CEP112: variants seen among roughly 807,000 people sequenced by gnomAD.
The protein encoded by CEP112 is centrosomal protein of 112 kDa.
A neutral mutation model predicts 153.0 loss-of-function variants in CEP112; 127 were observed. The ratio of observed to expected loss-of-function variants is 0.83; its 90% CI spans 0.72 to 0.96. The LOEUF (loss-of-function observed/expected upper bound fraction) is 0.96, where lower values mean the gene tolerates loss of function less well. Ranked by LOEUF, CEP112 falls within the 40% of genes least tolerant of loss-of-function variation. The pLI is 0.00. For synonymous variants in CEP112, 358 were observed against 374.4 expected, an observed-to-expected ratio of 0.96 and a Z score of 0.51; for missense variants, 1,089 against 1,101.2, an observed-to-expected ratio of 0.99 and a Z score of 0.16.
At chr17:66,101,210 G>C (rs541684937) in intron 6 of CEP112, among the ~76,000 whole-genome samples, 79 of 152,134 alleles carry the variant, frequency 5.2e-4, no homozygotes, top group African/African-American at 1.9e-3. Context: ...TGAAAAGTAT[G>C]TATCACACTT....
chr17:66,190,054 G>A (rs995425494), intron 1 of CEP112, among the ~76,000 whole-genome samples: 1 of 151,936 alleles, frequency 6.6e-6, no homozygotes. Context: ...AATGGAACGG[G>A]TGCAGTGGCT....
At chr17:65,802,331 C>T (rs113663602) in intron 21 of CEP112, among the ~76,000 whole-genome samples, 77 of 152,096 alleles carry the variant, frequency 5.1e-4, no homozygotes, top group Non-Finnish European at 9.1e-4. Context: ...TTCTCTTATT[C>T]CACAAAATTT....
At chr17:66,127,681 C>A (rs560947123) in intron 6 of CEP112, among the ~76,000 whole-genome samples, 2 of 152,078 alleles carry the variant, frequency 1.3e-5, no homozygotes, top group African/African-American at 4.8e-5. Flanking sequence ...AGTCTCCGGG[C>A]GCAGCTGCCT....
intron 21 of CEP112, among the ~76,000 whole-genome samples, chr17:65,779,490 GTCA>G (rs1432176174): frequency 5.9e-5 from 9 of 152,148 alleles, no homozygotes; most frequent in Non-Finnish European, 8.8e-5. Context: ...TCAGTTTGAT[GTCA>G]TCATCACAGG....
chr17:65,636,890 G>A, intron 26 of CEP112: 1 of 483,686 alleles, frequency 2.1e-6, no homozygotes, highest in Non-Finnish European at 3.7e-6. Flanking sequence ...GGGATTACAG[G>A]AGTGAGCCAC....
At chr17:65,806,552 TG>T (rs2055611292) in intron 21 of CEP112, among the ~76,000 whole-genome samples, 1 of 152,182 alleles carries the variant, frequency 6.6e-6, no homozygotes, top group South Asian at 2.1e-4. Context: ...CCCCACATAC[TG>T]GGGGAGGGCC....
intron 17 of CEP112, among the ~76,000 whole-genome samples, chr17:65,983,408 T>C (rs987765473): frequency 6.6e-6 from 1 of 152,172 alleles, no homozygotes; most frequent in Admixed American, 6.5e-5. Context: ...ATAGTTGGGA[T>C]ATGTGTCCCC....
At position 65,751,867 on chromosome 17, in the gene CEP112, A is replaced by C. The variant is rs1407554643; in HGVS notation, c.2395-1143T>G. ...GCATCACACAGCTAGGAAGTGATGA[A>C]GCCAGGACACAAACTCACACTTTGG... is the stretch of plus-strand genomic sequence containing the variant. On this transcript the variant is annotated intron_variant, in intron 21 of 26. Coordinates refer to ENST00000535342, the MANE Select transcript of CEP112 (RefSeq NM_001199165.4). Among the ~76,000 whole-genome samples the C allele has an allele frequency of 2.0e-5, 3 of 152,176 alleles. No homozygotes were observed. In the East Asian group the frequency reaches 5.8e-4, roughly 29 times the overall value.
intron 6 of CEP112, among the ~76,000 whole-genome samples, chr17:66,121,177 G>C (rs2069566462): frequency 6.6e-6 from 1 of 152,084 alleles, no homozygotes; most frequent in South Asian, 2.1e-4. Flanking sequence ...TTGGGAGGCT[G>C]AGGCAGGAGA....
chr17:66,107,111 C>T (rs2068816161), intron 6 of CEP112, among the ~76,000 whole-genome samples: 1 of 151,956 alleles, frequency 6.6e-6, no homozygotes, highest in African/African-American at 2.4e-5. Context: ...ATGATAAAAA[C>T]CTTGAAAATT....
chr17:65,980,968 C>T (rs9898860), intron 17 of CEP112, among the ~76,000 whole-genome samples: 79,040 of 151,810 alleles, frequency 0.52, 21,573 homozygotes, highest in African/African-American at 0.6. Flanking sequence ...AGTAGTGACG[C>T]TTCTATTAAA....
At chr17:65,817,113 G>A (rs1435675794) in intron 21 of CEP112, among the ~76,000 whole-genome samples, 1 of 151,716 alleles carries the variant, frequency 6.6e-6, no homozygotes, top group Non-Finnish European at 1.5e-5. Flanking sequence ...TTTTGTGTGT[G>A]AACAAACAAT....
At chr17:65,940,298 T>C (rs1442123069) in intron 18 of CEP112, among the ~76,000 whole-genome samples, 1 of 152,188 alleles carries the variant, frequency 6.6e-6, no homozygotes, top group Non-Finnish European at 1.5e-5. Flanking sequence ...GGATGTAAAT[T>C]AGTATAACCA....
chr17:66,157,479 A>G (rs1297641536), intron 4 of CEP112, among the ~76,000 whole-genome samples: 1 of 152,204 alleles, frequency 6.6e-6, no homozygotes, highest in Non-Finnish European at 1.5e-5. Context: ...ACTAACAGGC[A>G]AAATAACCAG....
intron 11 of CEP112, among the ~76,000 whole-genome samples, chr17:66,062,168 T>C (rs909231450): frequency 3.9e-5 from 6 of 151,920 alleles, no homozygotes; most frequent in Admixed American, 3.9e-4. Context: ...CTTTATAAAT[T>C]ACCCAGTCTC....
At chr17:66,089,260 C>T (rs759258263) in intron 8 of CEP112, among the ~76,000 whole-genome samples, 7 of 152,104 alleles carry the variant, frequency 4.6e-5, no homozygotes, top group Non-Finnish European at 8.8e-5. Flanking sequence ...TGTGCAGACA[C>T]CAACATAAAG....
intron 4 of CEP112, among the ~76,000 whole-genome samples, chr17:66,154,875 G>C (rs2071372287): frequency 6.6e-6 from 1 of 152,156 alleles, no homozygotes; most frequent in Non-Finnish European, 1.5e-5. Flanking sequence ...ACAATATTAA[G>C]AGGTGTGACC....
At chr17:65,693,778 A>T (rs1047893602) in intron 23 of CEP112, among the ~76,000 whole-genome samples, 1 of 152,118 alleles carries the variant, frequency 6.6e-6, no homozygotes, top group Non-Finnish European at 1.5e-5. Flanking sequence ...CGTATGTTGA[A>T]ATCTTAACCC....
At chr17:65,658,518 A>G (rs1188589644) in intron 24 of CEP112, among the ~76,000 whole-genome samples, 1 of 152,234 alleles carries the variant, frequency 6.6e-6, no homozygotes, top group African/African-American at 2.4e-5. Flanking sequence ...GGCAATGGGT[A>G]CAGTACAGGG....
Sources: gnomAD v4.1 joint callset for allele counts (sites outside exome capture counted in the v4.1 genomes callset) on GRCh38, gnomAD v4.1.1 for gene constraint, MANE v1.5 for transcripts, NCBI Gene and HGNC (gene_info 2026-07-23, HGNC 2026-07-21) for gene names.